SLC36A2: variants seen among roughly 807,000 people sequenced by gnomAD.
SLC36A2 encodes solute carrier family 36 member 2.
Under a neutral mutation model 42.7 loss-of-function variants are expected in SLC36A2, and 39 were observed. That is an observed-to-expected ratio of 0.91 (90% confidence interval 0.71 to 1.19). The LOEUF (loss-of-function observed/expected upper bound fraction) is 1.19. Ranked by LOEUF, SLC36A2 falls within the 50% of genes most tolerant of loss-of-function variation. The probability of loss-of-function intolerance (pLI) is 0.00; values close to 1 mark genes in which losing one functional copy is unlikely to be tolerated. For missense variants in SLC36A2, 590 were observed against 613.7 expected (o/e 0.96, Z 0.41); for synonymous variants, 237 against 240.8 (o/e 0.98, Z 0.15).
rs1755458862 is a variant in SLC36A2, at chr5:151,315,194, G to A, written c.*1623C>T. The A allele has an allele frequency of 6.6e-6, 1 of 152,628 alleles. No homozygotes were observed. The highest frequency in any genetic ancestry group is 2.4e-5 in the African/African-American group (1 of 41,434). The allele number at this position is 152,628 out of a possible 1,614,324, so 9.5% of individuals were successfully genotyped here. On this transcript the variant is annotated 3_prime_UTR_variant, in exon 10 of 10. Transcript: ENST00000335244. Reference sequence around the variant, plus strand: ...TCTGATCCTCCGGTAGGCTAGCCCAGGATGCTTTACTTGGTGGTCTCAACT... The same window carrying A: ...TCTGATCCTCCGGTAGGCTAGCCCAAGATGCTTTACTTGGTGGTCTCAACT...
chr5:151,340,296 G>GGAA (rs552210326), intron 4 of SLC36A2, among the ~76,000 whole-genome samples: 138 of 151,662 alleles, frequency 9.1e-4, no homozygotes, highest in Non-Finnish European at 1.6e-3. Context: ...AGGAAGAGGA[G>GGAA]GAAGAAGAAG....
At chr5:151,343,035 C>G (rs1240608737) in intron 3 of SLC36A2, 52 bp from the exon 4 acceptor site, 2 of 1,445,348 alleles carry the variant, frequency 1.4e-6, no homozygotes, top group East Asian at 2.3e-5. Flanking sequence ...AGCCTAAACT[C>G]ACATGGTCAA....
intron 7 of SLC36A2, chr5:151,332,288 A>C: frequency 2.7e-6 from 1 of 365,358 alleles, no homozygotes; most frequent in South Asian, 2.1e-5. Flanking sequence ...TATATAAAGA[A>C]CTCTTAAAAC....
intron 4 of SLC36A2, among the ~76,000 whole-genome samples, chr5:151,342,168 G>A (rs568396250): frequency 9.1e-4 from 139 of 152,280 alleles, no homozygotes; most frequent in South Asian, 2.1e-3. Context: ...TAGAGTCTTC[G>A]TTTCAGAGGG....
intron 2 of SLC36A2, 90 bp from the exon 3 acceptor site, chr5:151,343,688 C>T: frequency 8.4e-7 from 1 of 1,186,460 alleles, no homozygotes; most frequent in African/African-American, 1.5e-5. Flanking sequence ...GTGCTGATAT[C>T]ATGCAGAACT....
Position 151,321,346 on chromosome 5 carries a change from T to C in SLC36A2, c.1180+700A>G, listed in dbSNP as rs1397613799. 8.4e-4 allele frequency among the ~76,000 whole-genome samples: 21 copies of C among 25,058 alleles called. 1 individual carries two copies. Among genetic ancestry groups the C allele is most frequent in the African/African-American group, 3.4e-3 (20 of 5,864 alleles). The allele number at this position is 25,058 out of a possible 152,430, so 16.4% of individuals were successfully genotyped here. A position where few individuals can be genotyped will look rare whatever the true frequency, so the allele number is the denominator to read the frequency against. On this transcript the variant is annotated intron_variant, in intron 9 of 9. Coordinates refer to ENST00000335244, the MANE Select transcript of SLC36A2 (RefSeq NM_181776.3). ...ATGCCTGGCTATTTTCTTTTCTTTC[T>C]TTTTTTTTTTTTTTTTAATAGAGAT...
intron 4 of SLC36A2, among the ~76,000 whole-genome samples, chr5:151,340,352 A>G (rs1255112203): frequency 6.6e-6 from 1 of 152,158 alleles, no homozygotes; most frequent in East Asian, 1.9e-4. Flanking sequence ...GGAAGAAATG[A>G]CACATTCAGA....
intron 4 of SLC36A2, among the ~76,000 whole-genome samples, chr5:151,339,349 T>TTG (rs1457836016): frequency 6.6e-6 from 1 of 151,726 alleles, no homozygotes; most frequent in African/African-American, 2.4e-5. Flanking sequence ...AGTTTTGCTC[T>TTG]TGTTGCCCAG....
In SLC36A2 at chr5:151,320,825, C is replaced by G. The variant is rs148273179; in HGVS notation, c.1180+1221G>C. ...GATTGCCCACATTTTAAATGTTGGCCCACTTTATACAACATTGTGAGGTTC... is the reference window on the plus strand; with the variant it reads ...GATTGCCCACATTTTAAATGTTGGCGCACTTTATACAACATTGTGAGGTTC... On this transcript the variant is annotated intron_variant, in intron 9 of 9. Coordinates refer to ENST00000335244, the MANE Select transcript of SLC36A2 (RefSeq NM_181776.3). 5.7e-3 allele frequency among the ~76,000 whole-genome samples: 863 copies of G among 152,168 alleles called. 13 individuals carry two copies. Among genetic ancestry groups the G allele is most frequent in the African/African-American group, 0.019 (803 of 41,504 alleles).
rs751814774 is a variant in SLC36A2, at chr5:151,339,175, CTT to C, written c.441-33_441-32del. 25 of 1,545,376 alleles carry C rather than the reference CTT, an allele frequency of 1.6e-5. No individual in the cohort carries two copies. In the East Asian group the frequency reaches 5.5e-4, roughly 34 times the overall value. On this transcript the variant is annotated intron_variant, in intron 4 of 9. Transcript: ENST00000335244. ...AGGGAGAAGAGAGGGAAAAAGAAAACTTGTTATAAAATAAGTCAACTTGTCAG... is the reference window on the plus strand; with the variant it reads ...AGGGAGAAGAGAGGGAAAAAGAAAACGTTATAAAATAAGTCAACTTGTCAG...
At chr5:151,334,804 C>T (rs1756099729) in intron 6 of SLC36A2, among the ~76,000 whole-genome samples, 1 of 151,978 alleles carries the variant, frequency 6.6e-6, no homozygotes, top group Non-Finnish European at 1.5e-5. Context: ...TTATAACTAA[C>T]ATTATAATAG....
In SLC36A2 at chr5:151,315,990, A is replaced by G. The variant is rs924253285; in HGVS notation, c.*827T>C. The G allele has an allele frequency of 1.3e-5, 2 of 152,214 alleles. No homozygotes were observed. Among genetic ancestry groups the G allele is most frequent in the Non-Finnish European group, 2.9e-5 (2 of 68,050 alleles). The allele number at this position is 152,214 out of a possible 1,614,324, so 9.4% of individuals were successfully genotyped here. ...CATTTAATATGCATGGCTCCTTTCT[A>G]TCTGAGAGTTTTCACACTGGTCATC... On this transcript the variant is annotated 3_prime_UTR_variant, in exon 10 of 10. Transcript: ENST00000335244.
Position 151,347,300 on chromosome 5 carries a change from A to C in SLC36A2, c.161T>G (p.Ile54Arg), listed in dbSNP as rs1241787604. Residue 54 changes from isoleucine to arginine, a missense_variant, in exon 1 of 10, where the codon ATA becomes AGA. Physicochemically the swap from Ile to Arg is moderately conservative, Grantham distance 97. Coordinates refer to ENST00000335244, the MANE Select transcript of SLC36A2 (RefSeq NM_181776.3). The stretch of plus-strand genomic sequence containing the variant: ...GATGGCAGAAAACAGCACTCACGTT[A>C]TGCCCTTGGTCTTCTTCAAGCCTGC... ...ESAGLKKTKG[I>R]TVFQALIHLV... 6.2e-6 allele frequency: 10 copies of C among 1,614,068 alleles called. No individual in the cohort carries two copies. The highest frequency in any genetic ancestry group is 8.5e-6 in the Non-Finnish European group (10 of 1,180,030).
chr5:151,339,471 T>C (rs1331222164), intron 4 of SLC36A2, among the ~76,000 whole-genome samples: 1 of 152,126 alleles, frequency 6.6e-6, no homozygotes, highest in African/African-American at 2.4e-5. Context: ...CCACCACGCC[T>C]GGCTAATTTT....
At chr5:151,337,316 C>G (rs1756188272) in intron 5 of SLC36A2, among the ~76,000 whole-genome samples, 1 of 152,182 alleles carries the variant, frequency 6.6e-6, no homozygotes, top group Admixed American at 6.5e-5. Flanking sequence ...ATACCCAGCT[C>G]AGATGCACCA....
In SLC36A2 at chr5:151,315,681, A is replaced by G. The variant is rs1356279620; in HGVS notation, c.*1136T>C. 1 of 152,262 alleles carries G rather than the reference A, an allele frequency of 6.6e-6. No homozygotes were observed. The highest frequency in any genetic ancestry group is 2.4e-5 in the African/African-American group (1 of 41,474). 9.4% of individuals were successfully genotyped at this position (152,262 alleles called of 1,614,324 possible). A position where few individuals can be genotyped will look rare whatever the true frequency, so the allele number is the denominator to read the frequency against. On this transcript the variant is annotated 3_prime_UTR_variant, in exon 10 of 10. Transcript: ENST00000335244. ...AAACAAGCAAAAAAATTTAAGGGAT[A>G]CAGATACAGACTTCATCTTTTCATA... is the stretch of plus-strand genomic sequence containing the variant.
In SLC36A2 at chr5:151,345,761, C is replaced by T. The variant is rs529866809; in HGVS notation, c.165-1494G>A. 5.3e-5 allele frequency among the ~76,000 whole-genome samples: 8 copies of T among 152,282 alleles called. No homozygotes were observed. The East Asian group carries it at 5.8e-4, about 11-fold the overall frequency. ...ACTCAACCAACTTGAAAACATAGTG[C>T]GGTAAGTCATGCAAAGCACCAAACT... On this transcript the variant is annotated intron_variant, in intron 1 of 9. Transcript: ENST00000335244.
At position 151,335,375 on chromosome 5, in the gene SLC36A2, A is replaced by T; in HGVS notation, c.698T>A (p.Ile233Asn). 1 of 1,614,020 alleles carries T rather than the reference A, an allele frequency of 6.2e-7. No individual in the cohort carries two copies. The highest frequency in any genetic ancestry group is 8.5e-7 in the Non-Finnish European group (1 of 1,179,998). Reference sequence around the variant, plus strand: ...GATGACCAAGCTGACCAGCATGCTGATGTTGGCCAGCATGGAGAAGATGGT... The same window carrying T: ...GATGACCAAGCTGACCAGCATGCTGTTGTTGGCCAGCATGGAGAAGATGGT... ...ILTIFSMLAN[I>N]SMLVSLVIII... Residue 233 changes from isoleucine to asparagine, a missense_variant, in exon 6 of 10, where the codon ATC becomes AAC. Coordinates refer to ENST00000335244, the MANE Select transcript of SLC36A2 (RefSeq NM_181776.3).
At chr5:151,329,440 C>G (rs1755936326) in intron 7 of SLC36A2, among the ~76,000 whole-genome samples, 1 of 152,156 alleles carries the variant, frequency 6.6e-6, no homozygotes, top group Non-Finnish European at 1.5e-5. Context: ...AAAATCTCAT[C>G]AACTTTCAAG....
Sources: gnomAD v4.1 joint callset for allele counts (sites outside exome capture counted in the v4.1 genomes callset) on GRCh38, gnomAD v4.1.1 for gene constraint, MANE v1.5 for transcripts, NCBI Gene and HGNC (gene_info 2026-07-23, HGNC 2026-07-21) for gene names.